PCDH15: variants seen among roughly 807,000 people sequenced by gnomAD.
PCDH15 encodes protocadherin related 15.
In PCDH15, 129 loss-of-function variants were observed where a neutral mutation model predicts 178.5. The observed-to-expected ratio is 0.72, with a 90% CI of 0.63 to 0.84. PCDH15 has a LOEUF of 0.84. Ranked by LOEUF, PCDH15 falls within the 40% of genes least tolerant of loss-of-function variation. PCDH15 has a pLI of 0.00. For missense variants in PCDH15, 2,230 were observed against 2,099.9 expected (o/e 1.06, Z -1.21); for synonymous variants, 800 against 732.0 (o/e 1.09, Z -1.50).
chr10:53,960,802 G>A lies in PCDH15; in HGVS notation c.3009+950C>T, dbSNP rs141285065. ...AATCATGAGAGACATAGTGCTCACT[G>A]ATCCTTACGTGGTTAACTGATAAAG... is the stretch of plus-strand genomic sequence containing the variant. On this transcript the variant is annotated intron_variant, in intron 22 of 37. Coordinates refer to ENST00000644397, the MANE Select transcript of PCDH15 (RefSeq NM_001384140.1). 3.4e-3 allele frequency among the ~76,000 whole-genome samples: 522 copies of A among 152,262 alleles called. 2 individuals carry two copies. The highest frequency in any genetic ancestry group is 0.012 in the African/African-American group (483 of 41,542).
intron 1 of PCDH15, among the ~76,000 whole-genome samples, chr10:55,242,169 T>C (rs1333781602): frequency 3.9e-5 from 6 of 152,164 alleles, no homozygotes; most frequent in Admixed American, 6.5e-5. Flanking sequence ...TGTTATTTCT[T>C]CTTAGTTTCC....
intron 3 of PCDH15, among the ~76,000 whole-genome samples, chr10:54,380,482 G>C (rs1301245405): frequency 6.6e-6 from 1 of 150,488 alleles, no homozygotes; most frequent in Non-Finnish European, 1.5e-5. Context: ...AAAGATATTT[G>C]ATCTGTATTT....
At chr10:54,773,690 T>A (rs1444929944) in intron 1 of PCDH15, among the ~76,000 whole-genome samples, 1 of 152,162 alleles carries the variant, frequency 6.6e-6, no homozygotes, top group African/African-American at 2.4e-5. Context: ...GTTAAACCAT[T>A]ACCAATAGGT....
intron 10 of PCDH15, among the ~76,000 whole-genome samples, chr10:54,202,610 C>T (rs1358171692): frequency 6.6e-6 from 1 of 151,798 alleles, no homozygotes; most frequent in Non-Finnish European, 1.5e-5. Context: ...GTCGGGAGTT[C>T]GAGACCAGCC....
At chr10:53,958,796 A>G (rs2166628) in intron 23 of PCDH15, among the ~76,000 whole-genome samples, 105,968 of 151,384 alleles carry the variant, frequency 0.7, 37,409 homozygotes, top group East Asian at 0.87. Flanking sequence ...TGGCTAATGC[A>G]GTGAAACCCC....
At chr10:53,996,933 T>C (rs2091882257) in intron 20 of PCDH15, among the ~76,000 whole-genome samples, 1 of 152,120 alleles carries the variant, frequency 6.6e-6, no homozygotes, top group South Asian at 2.1e-4. Context: ...TGATATTTGC[T>C]TAGACACAAC....
chr10:54,655,035 C>A (rs2094345985), intron 2 of PCDH15: 1 of 152,248 alleles, frequency 6.6e-6, no homozygotes, highest in African/African-American at 2.4e-5. Context: ...CACGGTGAAA[C>A]CCCATCTCTA....
At chr10:54,807,529 C>A (rs1952797832) in intron 3 of PCDH15, among the ~76,000 whole-genome samples, 1 of 150,916 alleles carries the variant, frequency 6.6e-6, no homozygotes, top group East Asian at 1.9e-4. Context: ...AACTTGGGAA[C>A]TTTTTTTTTC....
intron 2 of PCDH15, among the ~76,000 whole-genome samples, chr10:55,398,170 C>CAAA (rs11423297): frequency 2.3e-3 from 329 of 145,722 alleles, no homozygotes; most frequent in Admixed American, 6.2e-3. Context: ...TCTGTTTTAC[C>CAAA]AAAAAAAAAA....
At chr10:55,540,566 A>C (rs1841736091) in intron 2 of PCDH15, among the ~76,000 whole-genome samples, 1 of 152,122 alleles carries the variant, frequency 6.6e-6, no homozygotes, top group South Asian at 2.1e-4. Context: ...CAGAATGAGA[A>C]TAAAGGGATC....
At chr10:53,808,367 A>ATAGAC (rs2075736532) in intron 37 of PCDH15, 1 of 935,394 alleles carries the variant, frequency 1.1e-6, no homozygotes. Context: ...ATCCATTCCA[A>ATAGAC]TAGACAGAGT....
intron 2 of PCDH15, among the ~76,000 whole-genome samples, chr10:54,623,475 A>C (rs1313078775): frequency 3.3e-5 from 5 of 152,118 alleles, no homozygotes; most frequent in East Asian, 1.9e-4. Flanking sequence ...GATTTTTATA[A>C]ATAATGTGCA....
chr10:55,564,015 A>G (rs146144102), intron 2 of PCDH15, among the ~76,000 whole-genome samples: 170 of 152,044 alleles, frequency 1.1e-3, no homozygotes, highest in Middle Eastern at 6.8e-3. Flanking sequence ...CATGGACAAT[A>G]TAAAAGCTAG....
chr10:54,438,291 T>A lies in PCDH15; in HGVS notation c.158-59349A>T, dbSNP rs868736525. On this transcript the variant is annotated intron_variant, in intron 3 of 37. Coordinates refer to ENST00000644397, the MANE Select transcript of PCDH15 (RefSeq NM_001384140.1). The stretch of plus-strand genomic sequence containing the variant: ...AGCTTTTTTTTTTTTTTTTTTTTTT[T>A]AAATAATCTCATCTTTATTTCTATT... Among the ~76,000 whole-genome samples, 941 of 134,030 alleles carry A rather than the reference T, an allele frequency of 7.0e-3. 15 individuals carry two copies. Among genetic ancestry groups the A allele is most frequent in the African/African-American group, 0.025 (875 of 34,510 alleles). The allele number at this position is 134,030 out of a possible 152,430, so 87.9% of individuals were successfully genotyped here. A position where few individuals can be genotyped will look rare whatever the true frequency, so the allele number is the denominator to read the frequency against.
chr10:54,827,935 T>C (rs1031049188), intron 3 of PCDH15, among the ~76,000 whole-genome samples: 4 of 152,098 alleles, frequency 2.6e-5, no homozygotes, highest in Non-Finnish European at 4.4e-5. Context: ...TTAAACATTA[T>C]ATACCAACAT....
chr10:54,716,955 G>A (rs1031527172), intron 1 of PCDH15, among the ~76,000 whole-genome samples: 4 of 147,944 alleles, frequency 2.7e-5, no homozygotes, highest in Admixed American at 6.8e-5. Context: ...AAATAAGGCC[G>A]CATATCTACA....
chr10:54,363,936 G>A (rs1225904947), intron 5 of PCDH15, among the ~76,000 whole-genome samples: 1 of 151,996 alleles, frequency 6.6e-6, no homozygotes, highest in African/African-American at 2.4e-5. Context: ...ATATTGGACG[G>A]TCACAGTGGC....
Position 53,811,545 on chromosome 10 carries a change from G to A in PCDH15, c.4562+4C>T, listed in dbSNP as rs1432745571. On this transcript the variant is annotated splice_donor_region_variant and intron_variant, in intron 36 of 37. Transcript: ENST00000644397. ...ATCTGAATTTTAAAAATCTGAAGAT[G>A]TACCCATGCTCATAACTGTAATAAT... The A allele has an allele frequency of 6.6e-7, 1 of 1,511,854 alleles. No individual in the cohort carries two copies. The highest frequency in any genetic ancestry group is 8.9e-7 in the Non-Finnish European group (1 of 1,119,702). The allele number at this position is 1,511,854 out of a possible 1,614,324, so 93.7% of individuals were successfully genotyped here.
intron 2 of PCDH15, among the ~76,000 whole-genome samples, chr10:55,463,927 A>G (rs12219802): frequency 1.2e-4 from 2 of 16,190 alleles, no homozygotes; most frequent in African/African-American, 7.4e-4. Flanking sequence ...GAAAGAAAGA[A>G]AGAAAGAAAG....
Sources: allele counts gnomAD v4.1 joint callset (sites outside exome capture counted in the v4.1 genomes callset), GRCh38; gene constraint gnomAD v4.1.1; transcripts MANE v1.5; gene names NCBI Gene and HGNC (gene_info 2026-07-23, HGNC 2026-07-21).